TENM2: variants seen among roughly 807,000 people sequenced by gnomAD.
TENM2 encodes the protein teneurin transmembrane protein 2, also known as teneurin-2.
Under a neutral mutation model 245.2 loss-of-function variants are expected in TENM2, and 52 were observed. That is an observed-to-expected ratio of 0.21 (90% confidence interval 0.17 to 0.27). The LOEUF is 0.27. Ranked by LOEUF, TENM2 falls within the 10% of genes least tolerant of loss-of-function variation. The pLI, the probability that TENM2 is intolerant of heterozygous loss-of-function variation, is 1.00. For synonymous variants in TENM2, 1,363 were observed against 1,438.9 expected, an observed-to-expected ratio of 0.95 and a Z score of 1.19; for missense variants, 3,046 against 3,666.8, an observed-to-expected ratio of 0.83 and a Z score of 4.37.
At chr5:167,319,695 G>A (rs191651449) in intron 1 of TENM2, among the ~76,000 whole-genome samples, 17 of 152,316 alleles carry the variant, frequency 1.1e-4, no homozygotes, top group Admixed American at 4.6e-4. Flanking sequence ...AATCAGCAGT[G>A]ATTTCTGCTA....
At chr5:168,030,261 A>ATGGG (rs780949650) in intron 5 of TENM2, among the ~76,000 whole-genome samples, 1 of 137,636 alleles carries the variant, frequency 7.3e-6, no homozygotes, top group Non-Finnish European at 1.5e-5. Context: ...CACTACCTGT[A>ATGGG]TGGGCAGAGA....
At chr5:168,184,651 T>G (rs1448781657) in intron 13 of TENM2, among the ~76,000 whole-genome samples, 5 of 152,168 alleles carry the variant, frequency 3.3e-5, no homozygotes, top group Non-Finnish European at 7.4e-5. Flanking sequence ...ATGCAAGAAT[T>G]CACACAGCCT....
At position 168,090,919 on chromosome 5, in the gene TENM2, C is replaced by T. The variant is rs1792886565; in HGVS notation, c.1711+150C>T. On this transcript the variant is annotated intron_variant, in intron 8 of 28. Transcript: ENST00000518659. ...GTTTAGGCCTTATAGTGTCACCCAC[C>T]TGAAACTAGCTCTGATTAAATGGAA... is the stretch of plus-strand genomic sequence containing the variant. 6.1e-6 allele frequency: 4 copies of T among 654,404 alleles called. No homozygotes were observed. In the East Asian group the frequency reaches 1.0e-4, roughly 17 times the overall value. The allele number at this position is 654,404 out of a possible 1,614,324, so 40.5% of individuals were successfully genotyped here. A position where few individuals can be genotyped will look rare whatever the true frequency, so the allele number is the denominator to read the frequency against.
chr5:167,627,656 C>G (rs1320861406), intron 2 of TENM2, among the ~76,000 whole-genome samples: 1 of 151,396 alleles, frequency 6.6e-6, no homozygotes, highest in Non-Finnish European at 1.5e-5. Context: ...CTCCCAGGTT[C>G]AAGTGATTCT....
exon 25 of TENM2, chr5:168,227,929 T>C: frequency 1.9e-6 from 3 of 1,612,540 alleles, no homozygotes; most frequent in Non-Finnish European, 2.5e-6. Context: ...TCTGTAATAA[T>C]GGTACCCTGA....
At chr5:168,199,957 A>G in exon 17 of TENM2, 1 of 1,613,978 alleles carries the variant, frequency 6.2e-7, no homozygotes, top group Non-Finnish European at 8.5e-7. Context: ...GCTGAAGATC[A>G]CCATGACCCA....
At chr5:167,966,278 C>T (rs1781381907) in intron 4 of TENM2, among the ~76,000 whole-genome samples, 1 of 152,194 alleles carries the variant, frequency 6.6e-6, no homozygotes, top group Admixed American at 6.5e-5. Context: ...ACTTGTTTAG[C>T]TCTGCAACTC....
chr5:167,049,600 G>T, the TENM2 span, among the ~76,000 whole-genome samples: 5 of 152,160 alleles, frequency 3.3e-5, no homozygotes, highest in East Asian at 9.6e-4. Context: ...AGTTGTGAAT[G>T]ATTTTTTGAA....
chr5:167,048,681 A>G, the TENM2 span, among the ~76,000 whole-genome samples: 2 of 152,214 alleles, frequency 1.3e-5, no homozygotes, highest in East Asian at 1.9e-4. Context: ...TCATTACTCT[A>G]CACAATGAAC....
chr5:167,441,419 A>C (rs577079217), intron 2 of TENM2, among the ~76,000 whole-genome samples: 1 of 152,214 alleles, frequency 6.6e-6, no homozygotes, highest in East Asian at 1.9e-4. Flanking sequence ...AAATTGCTCT[A>C]TAACGCTATT....
intron 2 of TENM2, among the ~76,000 whole-genome samples, chr5:167,713,731 C>T (rs565913742): frequency 4.6e-4 from 70 of 152,336 alleles, no homozygotes; most frequent in African/African-American, 1.6e-3. Context: ...TATGCATATT[C>T]ATGTACAACA....
rs779676273 is a variant in TENM2, at chr5:168,062,287, T to C, written c.1515+22T>C. 8 of 1,604,482 alleles carry C rather than the reference T, an allele frequency of 5.0e-6. No individual in the cohort carries two copies. In the African/African-American group the frequency reaches 1.1e-4, roughly 22 times the overall value. On this transcript the variant is annotated intron_variant, in intron 7 of 28. Coordinates refer to ENST00000518659, the Ensembl canonical transcript of TENM2. ...CCAGGTATGACCATGTTTGATGTAA[T>C]CAAGCATTTAAAAAAATATATACGT... is the stretch of plus-strand genomic sequence containing the variant.
chr5:167,904,951 G>A (rs139794822), intron 3 of TENM2, among the ~76,000 whole-genome samples: 6 of 152,264 alleles, frequency 3.9e-5, no homozygotes, highest in South Asian at 4.2e-4. Context: ...CACAGAGTAC[G>A]TATGAAATCT....
chr5:167,809,367 T>C (rs956817717), intron 2 of TENM2, among the ~76,000 whole-genome samples: 5 of 152,190 alleles, frequency 3.3e-5, no homozygotes, highest in African/African-American at 1.2e-4. Context: ...AATGGCTGTA[T>C]GTCATCCCAC....
intron 2 of TENM2, among the ~76,000 whole-genome samples, chr5:167,444,229 C>T (rs1765025320): frequency 6.6e-6 from 1 of 152,020 alleles, no homozygotes; most frequent in African/African-American, 2.4e-5. Context: ...TATTTCTACA[C>T]TTCCAATATC....
intron 17 of TENM2, among the ~76,000 whole-genome samples, chr5:168,202,538 C>A (rs1391622723): frequency 2.0e-5 from 3 of 149,796 alleles, no homozygotes; most frequent in Admixed American, 1.3e-4. Context: ...AGGCTGGTGT[C>A]ATTGTGTTCA....
intron 1 of TENM2, among the ~76,000 whole-genome samples, chr5:167,304,922 A>G (rs906332214): frequency 6.6e-6 from 1 of 152,166 alleles, no homozygotes; most frequent in Non-Finnish European, 1.5e-5. Context: ...TGCCTCACTC[A>G]TCTTTCTATC....
chr5:168,116,200 A>G (rs7722031), intron 9 of TENM2, among the ~76,000 whole-genome samples: 25,716 of 152,056 alleles, frequency 0.17, 2,348 homozygotes, highest in Admixed American at 0.23. Flanking sequence ...CTGTAGATAG[A>G]GAGTATGATC....
chr5:167,959,890 G>C (rs1370721124), intron 4 of TENM2, among the ~76,000 whole-genome samples: 1 of 152,158 alleles, frequency 6.6e-6, no homozygotes, highest in Non-Finnish European at 1.5e-5. Context: ...TTTTCTGAGT[G>C]GACGTCCTTT....
Sources: gnomAD v4.1 joint callset for allele counts (sites outside exome capture counted in the v4.1 genomes callset) on GRCh38, gnomAD v4.1.1 for gene constraint, MANE v1.5 for transcripts, NCBI Gene and HGNC (gene_info 2026-07-23, HGNC 2026-07-21) for gene names.